Variants in NFXL1 observed in about 807,000 individuals in gnomAD.
NFXL1 encodes the protein nuclear transcription factor, X-box binding like 1.
Under a neutral mutation model 123.3 loss-of-function variants are expected in NFXL1, and 66 were observed. That is an observed-to-expected ratio of 0.54 (90% CI 0.44 to 0.66). NFXL1 has a LOEUF of 0.66. Ranked by LOEUF, NFXL1 falls within the 30% of genes least tolerant of loss-of-function variation. The pLI, the probability that NFXL1 is intolerant of heterozygous loss-of-function variation, is 0.00. For synonymous variants in NFXL1, 346 were observed against 360.8 expected, an observed-to-expected ratio of 0.96 and a Z score of 0.46; for missense variants, 944 against 1,125.6, an observed-to-expected ratio of 0.84 and a Z score of 2.31.
Position 47,875,170 on chromosome 4 carries a change from T to G in NFXL1, c.2203A>C (p.Ile735Leu). The G allele has an allele frequency of 6.2e-7, 1 of 1,612,800 alleles. No individual in the cohort carries two copies. The highest frequency in any genetic ancestry group is 8.5e-7 in the Non-Finnish European group (1 of 1,178,874). ...ECPPCVQMLR[I>L]KCHCKITSLY... ...CTTGTGATCTTACAGTGACATTTTA[T>G]TCTAAGCATCTGAACACAAGGTGGA... Residue 735 changes from isoleucine (I) to leucine (L), a missense_variant, in exon 18 of 23, where the codon ATA becomes CTA. By Grantham distance (5) the Ile-to-Leu change is conservative (BLOSUM62 2). Coordinates refer to ENST00000507489, the MANE Select transcript of NFXL1 (RefSeq NM_001278624.2).
intron 10 of NFXL1, among the ~76,000 whole-genome samples, chr4:47,895,751 C>G (rs1330802099): frequency 6.6e-6 from 1 of 152,198 alleles, no homozygotes; most frequent in Non-Finnish European, 1.5e-5. Flanking sequence ...TTCCTGTATT[C>G]ACTGCAGTAG....
At chr4:47,884,100 TAAGA>T in intron 15 of NFXL1, among the ~76,000 whole-genome samples, 1 of 152,164 alleles carries the variant, frequency 6.6e-6, no homozygotes, top group South Asian at 2.1e-4. Flanking sequence ...TATGGAAAGC[TAAGA>T]AGGGCATCAA....
rs112828403 is a variant in NFXL1, at chr4:47,885,700, T to C, written c.1665-43A>G. 5.4e-5 allele frequency: 83 copies of C among 1,536,272 alleles called. No individual in the cohort carries two copies. In the African/African-American group the frequency reaches 9.4e-4, roughly 17 times the overall value. On this transcript the variant is annotated intron_variant, in intron 13 of 22. Transcript: ENST00000507489. ...ATTTTCAAAAATTACTTTTAGTCATTGAATAATTACATCTAAAGGACAATT... is the reference window on the plus strand; with the variant it reads ...ATTTTCAAAAATTACTTTTAGTCATCGAATAATTACATCTAAAGGACAATT...
Position 47,911,012 on chromosome 4 carries a change from G to A in NFXL1, c.236-18C>T. On this transcript the variant is annotated intron_variant, in intron 2 of 22. Coordinates refer to ENST00000507489, the MANE Select transcript of NFXL1 (RefSeq NM_001278624.2). ...CATTAGCTCTGTTTAAAAGAAAAAA[G>A]TTTCATTTCTGCAAAACAATCTCTC... The A allele has an allele frequency of 6.9e-7, 1 of 1,455,608 alleles. No individual in the cohort carries two copies. Among genetic ancestry groups the A allele is most frequent in the Non-Finnish European group, 9.3e-7 (1 of 1,076,252 alleles). The allele number at this position is 1,455,608 out of a possible 1,614,324, so 90.2% of individuals were successfully genotyped here.
At position 47,913,990 on chromosome 4, in the gene NFXL1, G is replaced by A. The variant is rs1737979076; in HGVS notation, c.214C>T (p.Leu72=). 6.5e-7 allele frequency: 1 copy of A among 1,547,586 alleles called. No individual in the cohort carries two copies. Among genetic ancestry groups the A allele is most frequent in the Non-Finnish European group, 8.7e-7 (1 of 1,146,420 alleles). Residue 72 remains leucine (L), a synonymous_variant, in exon 2 of 23, where the codon CTG becomes TTG. Coordinates refer to ENST00000507489, the MANE Select transcript of NFXL1 (RefSeq NM_001278624.2). The part of the protein sequence containing the change: ...SRHSPAGSQA[L]QTTAASELMS... ...TCACCGCTGGCTGCGGTAGTCTGCA[G>A]GGCTTGGGATCCTGCGGGGCTGTGC... is the stretch of plus-strand genomic sequence containing the variant.
At chr4:47,911,212 T>C (rs1332921859) in intron 2 of NFXL1, among the ~76,000 whole-genome samples, 1 of 152,034 alleles carries the variant, frequency 6.6e-6, no homozygotes, top group African/African-American at 2.4e-5. Flanking sequence ...CCTGCTAAAA[T>C]GCAGCAAATT....
intron 18 of NFXL1, among the ~76,000 whole-genome samples, chr4:47,864,070 G>C (rs1734916886): frequency 6.6e-6 from 1 of 152,056 alleles, no homozygotes. Flanking sequence ...TCTTGGCAAA[G>C]TTCCCCTTAA....
chr4:47,906,022 A>G (rs778168403), intron 3 of NFXL1, among the ~76,000 whole-genome samples: 48 of 152,236 alleles, frequency 3.2e-4, no homozygotes, highest in Non-Finnish European at 4.1e-4. Context: ...TTCATTTTAC[A>G]GATGAGAAAA....
At chr4:47,858,669 A>G (rs905161783) in intron 19 of NFXL1, among the ~76,000 whole-genome samples, 2 of 152,240 alleles carry the variant, frequency 1.3e-5, no homozygotes, top group Admixed American at 6.5e-5. Flanking sequence ...ATATACTGGT[A>G]GTAAAAACTG....
intron 5 of NFXL1, 109 bp downstream of exon 5, chr4:47,903,084 G>A (rs1737416834): frequency 1.8e-6 from 1 of 562,478 alleles, no homozygotes; most frequent in Non-Finnish European, 3.0e-6. Context: ...GAACCCAGGA[G>A]GTGGAGGTTG....
chr4:47,888,890 A>C (rs1012072087), intron 12 of NFXL1, among the ~76,000 whole-genome samples: 1 of 152,220 alleles, frequency 6.6e-6, no homozygotes, highest in African/African-American at 2.4e-5. Flanking sequence ...ACAACAAGAA[A>C]TTTGAAAACC....
In NFXL1 at chr4:47,890,575, A is replaced by G. The variant is rs751219738; in HGVS notation, c.1543+38T>C. ...CAATGAAAAAAAAAACCACTACATC[A>G]CTACAAACATAAAATCATAGCTATT... is the stretch of plus-strand genomic sequence containing the variant. On this transcript the variant is annotated intron_variant, in intron 12 of 22. Coordinates refer to ENST00000507489, the MANE Select transcript of NFXL1 (RefSeq NM_001278624.2). The G allele has an allele frequency of 8.9e-6, 10 of 1,122,898 alleles. No individual in the cohort carries two copies. In the Admixed American group the frequency reaches 1.8e-4, roughly 20 times the overall value. The allele number at this position is 1,122,898 out of a possible 1,614,324, so 69.6% of individuals were successfully genotyped here. A position where few individuals can be genotyped will look rare whatever the true frequency, so the allele number is the denominator to read the frequency against.
intron 4 of NFXL1, 28 bp downstream of exon 4, chr4:47,905,209 A>T (rs376047154): frequency 1.1e-6 from 1 of 936,446 alleles, no homozygotes; most frequent in Non-Finnish European, 1.7e-6. Flanking sequence ...GGGGAGATAC[A>T]TTAATATAAA....
In NFXL1 at chr4:47,848,096, C is replaced by T. The variant is rs1189257932; in HGVS notation, c.*67G>A. The T allele has an allele frequency of 1.0e-6, 1 of 973,308 alleles. No individual in the cohort carries two copies. Among genetic ancestry groups the T allele is most frequent in the Non-Finnish European group, 1.5e-6 (1 of 653,550 alleles). The allele number at this position is 973,308 out of a possible 1,614,324, so 60.3% of individuals were successfully genotyped here. On this transcript the variant is annotated 3_prime_UTR_variant, in exon 23 of 23. Coordinates refer to ENST00000507489, the MANE Select transcript of NFXL1 (RefSeq NM_001278624.2). Reference sequence around the variant, plus strand: ...TATCATGTTCTATAATATACATTTTCTAATATTTCAAATTTAACAACTTAT... The same window carrying T: ...TATCATGTTCTATAATATACATTTTTTAATATTTCAAATTTAACAACTTAT...
rs769419817 is a variant in NFXL1 at position 47,899,380 on chromosome 4, G to C, written c.816C>G (p.Leu272=). The change falls in exon 6 of 23, where the codon CTC becomes CTG. Residue 272 remains leucine (L), a synonymous_variant. Coordinates refer to ENST00000507489, the MANE Select transcript of NFXL1 (RefSeq NM_001278624.2). ...KPPCGHKCLL[L]CHPGPCPPCP... is the part of the protein sequence containing the mutation. The stretch of plus-strand genomic sequence containing the variant: ...CAATATATAACTCACCTGGATGACA[G>C]AGGAGTAAACATTTATGGCCACAAG... The C allele has an allele frequency of 6.2e-7, 1 of 1,612,748 alleles. No homozygotes were observed. The highest frequency in any genetic ancestry group is 8.5e-7 in the Non-Finnish European group (1 of 1,178,944).
intron 3 of NFXL1, among the ~76,000 whole-genome samples, chr4:47,908,812 G>A (rs578106316): frequency 2.2e-4 from 33 of 151,854 alleles, no homozygotes; most frequent in South Asian, 1.9e-3. Flanking sequence ...AAAATTACCC[G>A]GGCATGGTGG....
chr4:47,885,771 GAAT>G, intron 13 of NFXL1, 105 bp downstream of exon 13: 1 of 1,361,710 alleles, frequency 7.3e-7, no homozygotes, highest in Non-Finnish European at 1.0e-6. Flanking sequence ...AGTATACTGT[GAAT>G]ATTAATATTT....
At chr4:47,859,715 G>A (rs111408072) in intron 19 of NFXL1, among the ~76,000 whole-genome samples, 11,317 of 150,982 alleles carry the variant, frequency 0.075, 641 homozygotes, top group East Asian at 0.31. Flanking sequence ...AGTGGCGGGC[G>A]CCTGTAATCT....
At position 47,884,231 on chromosome 4, in the gene NFXL1, G is replaced by A. The variant is rs1736291742; in HGVS notation, c.1916+115C>T. 1.7e-5 allele frequency: 10 copies of A among 600,316 alleles called. 1 individual carries two copies. The highest frequency in any genetic ancestry group is 1.1e-4 in the East Asian group (4 of 35,664). The allele number at this position is 600,316 out of a possible 1,614,324, so 37.2% of individuals were successfully genotyped here. A position where few individuals can be genotyped will look rare whatever the true frequency, so the allele number is the denominator to read the frequency against. On this transcript the variant is annotated intron_variant, in intron 15 of 22. Transcript: ENST00000507489. Reference sequence around the variant, plus strand: ...GACAGACACACTAGTTGATAGGCTAGGCCTGAAATAATAATGAACTGAACT... The same window carrying A: ...GACAGACACACTAGTTGATAGGCTAAGCCTGAAATAATAATGAACTGAACT...
Sources: gnomAD v4.1 joint callset for allele counts (sites outside exome capture counted in the v4.1 genomes callset) on GRCh38, gnomAD v4.1.1 for gene constraint, MANE v1.5 for transcripts, NCBI Gene and HGNC (gene_info 2026-07-23, HGNC 2026-07-21) for gene names.